EVC: variants seen among roughly 807,000 people sequenced by gnomAD.
EVC encodes the protein evC complex member EVC.
In EVC, 116 loss-of-function variants were observed where a neutral mutation model predicts 118.9. The observed-to-expected ratio is 0.98, with a 90% CI of 0.84 to 1.14. EVC has a LOEUF of 1.14. Ranked by LOEUF, EVC falls within the 50% of genes most tolerant of loss-of-function variation. The pLI, the probability that EVC is intolerant of heterozygous loss-of-function variation, is 0.00. For missense variants in EVC, 1,401 were observed against 1,246.4 expected (o/e 1.12, Z -1.87); for synonymous variants, 619 against 534.7 (o/e 1.16, Z -2.18).
chr4:5,735,768 C>T (rs1045263269), intron 5 of EVC, among the ~76,000 whole-genome samples: 3 of 152,136 alleles, frequency 2.0e-5, no homozygotes, highest in African/African-American at 4.8e-5. Flanking sequence ...CCTGCATGCC[C>T]AGGTGTGGCC....
At chr4:5,786,220 A>C (rs1457733498) in intron 12 of EVC, among the ~76,000 whole-genome samples, 1 of 152,252 alleles carries the variant, frequency 6.6e-6, no homozygotes, top group African/African-American at 2.4e-5. Context: ...ATGCAAGTTA[A>C]GACCTTTTGC....
intron 14 of EVC, among the ~76,000 whole-genome samples, chr4:5,797,859 A>C: frequency 1.3e-5 from 2 of 152,336 alleles, no homozygotes; most frequent in Middle Eastern, 3.4e-3. Flanking sequence ...CATTGGGGGT[A>C]TGGTAGAGAA....
In EVC at chr4:5,813,654, G is replaced by A. The variant is rs3733186; in HGVS notation, c.*2617G>A. 0.42 allele frequency: 63,618 copies of A among 152,028 alleles called. 13,567 individuals carry two copies. The highest frequency in any genetic ancestry group is 0.47 in the South Asian group (2,248 of 4,820). 9.4% of individuals were successfully genotyped at this position (152,028 alleles called of 1,614,324 possible). On this transcript the variant is annotated 3_prime_UTR_variant, in exon 21 of 21. Transcript: ENST00000264956. ...TCGGTTACCCTGAGCCCAGAGCTCTGAAAGCATCTGTGGAATGATCACGGG... is the reference window on the plus strand; with the variant it reads ...TCGGTTACCCTGAGCCCAGAGCTCTAAAAGCATCTGTGGAATGATCACGGG...
intron 11 of EVC, among the ~76,000 whole-genome samples, chr4:5,768,721 G>A (rs1291722852): frequency 1.3e-5 from 2 of 152,040 alleles, no homozygotes; most frequent in African/African-American, 2.4e-5. Flanking sequence ...GCCAGGTGTG[G>A]TGGTGGGTGC....
At chr4:5,819,325 A>G in the EVC span, among the ~76,000 whole-genome samples, 1 of 152,190 alleles carries the variant, frequency 6.6e-6, no homozygotes, top group Non-Finnish European at 1.5e-5. Flanking sequence ...AGATGAATGA[A>G]TGAGAATAGC....
Position 5,765,148 on chromosome 4 carries a change from A to G in EVC, c.1563+8786A>G, listed in dbSNP as rs1732671458. On this transcript the variant is annotated intron_variant, in intron 11 of 20. Coordinates refer to ENST00000264956, the MANE Select transcript of EVC (RefSeq NM_153717.3). The stretch of plus-strand genomic sequence containing the variant: ...AAAGAACATCTTTATTTCTGCCTTC[A>G]TTTTGTTATGTATCCAGTAGTCATT... Among the ~76,000 whole-genome samples the G allele has an allele frequency of 3.4e-5, 4 of 116,638 alleles. 2 individuals are homozygous for G. In the South Asian group the frequency reaches 1.3e-3, roughly 38 times the overall value. The allele number at this position is 116,638 out of a possible 152,430, so 76.5% of individuals were successfully genotyped here. A position where few individuals can be genotyped will look rare whatever the true frequency, so the allele number is the denominator to read the frequency against.
Position 5,756,797 on chromosome 4 carries a change from G to T in EVC, c.1563+435G>T, listed in dbSNP as rs1042139509. 6.6e-6 allele frequency among the ~76,000 whole-genome samples: 1 copy of T among 152,188 alleles called. No individual in the cohort carries two copies. The highest frequency in any genetic ancestry group is 1.5e-5 in the Non-Finnish European group (1 of 68,030). On this transcript the variant is annotated intron_variant, in intron 11 of 20. Coordinates refer to ENST00000264956, the MANE Select transcript of EVC (RefSeq NM_153717.3). This position sits in a 1 kb window ranked among gnomAD's most constrained non-coding sequence, Gnocchi z 4.2. The stretch of plus-strand genomic sequence containing the variant: ...CAACCGTGTGCAGGTCTGGGGTGGG[G>T]AGGTGAAGCTGGCCATGCTTGCCCT...
chr4:5,797,773 T>G (rs1714251563), intron 14 of EVC, among the ~76,000 whole-genome samples: 1 of 152,212 alleles, frequency 6.6e-6, no homozygotes, highest in Non-Finnish European at 1.5e-5. Context: ...TACCAAAAGT[T>G]TTTAGTATCA....
chr4:5,758,037 G>A (rs1476434909), intron 11 of EVC: 2 of 702,060 alleles, frequency 2.8e-6, no homozygotes. Context: ...AGGTCCTACT[G>A]GATTCGGGTG....
intron 2 of EVC, among the ~76,000 whole-genome samples, chr4:5,725,952 G>A (rs1725738259): frequency 6.6e-6 from 1 of 152,184 alleles, no homozygotes; most frequent in South Asian, 2.1e-4. Flanking sequence ...GAGTTGTAAG[G>A]TACAGAGAAA....
Position 5,745,191 on chromosome 4 carries a change from TC to T in EVC, c.802-12del, listed in dbSNP as rs1378179545. 1.2e-5 allele frequency: 16 copies of T among 1,388,782 alleles called. No individual in the cohort carries two copies. Among genetic ancestry groups the T allele is most frequent in the Middle Eastern group, 1.9e-4 (1 of 5,146 alleles). The allele number at this position is 1,388,782 out of a possible 1,614,324, so 86.0% of individuals were successfully genotyped here. A position where few individuals can be genotyped will look rare whatever the true frequency, so the allele number is the denominator to read the frequency against. On this transcript the variant is annotated splice_polypyrimidine_tract_variant and intron_variant, in intron 6 of 20. Coordinates refer to ENST00000264956, the MANE Select transcript of EVC (RefSeq NM_153717.3). The stretch of plus-strand genomic sequence containing the variant: ...TTTGTTTATTTGCTTTCTTTTTTCT[TC>T]TTCTTCTTCAGGATTTGGAGGAACT...
At chr4:5,750,700 C>T (rs1730215664) in intron 8 of EVC, among the ~76,000 whole-genome samples, 1 of 152,138 alleles carries the variant, frequency 6.6e-6, no homozygotes, top group African/African-American at 2.4e-5. Flanking sequence ...TAGAGCAGAG[C>T]CCGGCACGTA....
At chr4:5,826,425 A>T in the EVC span, 1 of 149,738 alleles carries the variant, frequency 6.7e-6, no homozygotes, top group Non-Finnish European at 1.5e-5. Context: ...GGCCAGGTCT[A>T]TGGGGGGCAG....
At chr4:5,824,424 A>G in the EVC span, 2 of 985,420 alleles carry the variant, frequency 2.0e-6, no homozygotes, top group African/African-American at 1.7e-5. Flanking sequence ...TCACTGAATC[A>G]GACACTTCCT....
chr4:5,770,154 GCA>G (rs1001776350), intron 11 of EVC, among the ~76,000 whole-genome samples: 4 of 152,098 alleles, frequency 2.6e-5, no homozygotes, highest in African/African-American at 9.7e-5. Context: ...ATGTGACAAG[GCA>G]CACAGAGTGT....
intron 17 of EVC, among the ~76,000 whole-genome samples, chr4:5,807,443 G>T (rs1387831607): frequency 2.6e-5 from 4 of 152,210 alleles, no homozygotes; most frequent in Non-Finnish European, 4.4e-5. Context: ...GCTAAAGGTG[G>T]CCCTGACTTC....
chr4:5,759,946 G>C (rs187570986), intron 11 of EVC, among the ~76,000 whole-genome samples: 1 of 152,252 alleles, frequency 6.6e-6, no homozygotes, highest in Non-Finnish European at 1.5e-5. Flanking sequence ...CATTGGTTCG[G>C]TCAGGAAAGG....
chr4:5,733,311 T>C (rs771372595), intron 4 of EVC, 40 bp from the exon 5 acceptor site: 17 of 1,542,896 alleles, frequency 1.1e-5, no homozygotes, highest in Non-Finnish European at 1.4e-5. Context: ...TCATTTCCGA[T>C]ACCCTGAAAG....
chr4:5,729,350 T>C lies in EVC; in HGVS notation c.344T>C (p.Leu115Pro). ...AACAGCAATATCACAGCATTCGCCC[T>C]GAAGGCCAAAGTCATCTACCCCATC... ...PSNSNITAFA[L>P]KAKVIYPINQ... The change falls in exon 3 of 21, where the codon CTG becomes CCG. Residue 115 changes from leucine (L) to proline (P), a missense_variant. By Grantham distance (98) the Leu-to-Pro change is moderately conservative (BLOSUM62 -3). Transcript: ENST00000264956. 6.2e-7 allele frequency: 1 copy of C among 1,614,130 alleles called. No homozygotes were observed. The highest frequency in any genetic ancestry group is 1.1e-5 in the South Asian group (1 of 91,082).
Sources: allele counts gnomAD v4.1 joint callset (sites outside exome capture counted in the v4.1 genomes callset), GRCh38; gene constraint gnomAD v4.1.1; non-coding constraint Gnocchi (gnomAD v3.1); transcripts MANE v1.5; gene names NCBI Gene and HGNC (gene_info 2026-07-23, HGNC 2026-07-21).